Variants in RBM47 observed in about 807,000 individuals in gnomAD.
The protein encoded by RBM47 is RNA binding motif protein 47.
In RBM47, 21 loss-of-function variants were observed where a neutral mutation model predicts 47.1. That is an observed-to-expected ratio of 0.45 (90% CI 0.32 to 0.64). The LOEUF (loss-of-function observed/expected upper bound fraction) is 0.64, where lower values mean the gene tolerates loss of function less well. Among genes scored for constraint, RBM47 ranks in the 30% least tolerant of loss-of-function variants. RBM47 has a pLI of 0.05. For synonymous variants in RBM47, 375 were observed against 361.7 expected, an observed-to-expected ratio of 1.04 and a Z score of -0.42; for missense variants, 708 against 870.9, an observed-to-expected ratio of 0.81 and a Z score of 2.35.
Position 40,423,951 on chromosome 4 carries a change from T to A in RBM47, c.*1953A>T, listed in dbSNP as rs145599320. The A allele has an allele frequency of 7.9e-5, 12 of 152,546 alleles. No homozygotes were observed. In the East Asian group the frequency reaches 2.3e-3, roughly 29 times the overall value. The allele number at this position is 152,546 out of a possible 1,614,324, so 9.4% of individuals were successfully genotyped here. A position where few individuals can be genotyped will look rare whatever the true frequency, so the allele number is the denominator to read the frequency against. On this transcript the variant is annotated 3_prime_UTR_variant, in exon 7 of 7. Coordinates refer to ENST00000295971, the MANE Select transcript of RBM47 (RefSeq NM_001098634.2). ...GTTTGAATGCAGCTTGTGGGGTACA[T>A]CATCAGGAACATTGCACAATTATTT...
intron 1 of RBM47, among the ~76,000 whole-genome samples, chr4:40,559,255 G>A (rs1730386153): frequency 6.6e-6 from 1 of 152,176 alleles, no homozygotes; most frequent in Non-Finnish European, 1.5e-5. Context: ...AATAGAAGGA[G>A]AGAGCCTAAT....
At chr4:40,554,068 G>C (rs955985935) in intron 1 of RBM47, among the ~76,000 whole-genome samples, 5 of 151,572 alleles carry the variant, frequency 3.3e-5, no homozygotes. Flanking sequence ...GCACAGTCCC[G>C]TATTCATCTC....
At chr4:40,446,360 T>C (rs1278865007) in intron 3 of RBM47, among the ~76,000 whole-genome samples, 1 of 152,152 alleles carries the variant, frequency 6.6e-6, no homozygotes, top group Non-Finnish European at 1.5e-5. Flanking sequence ...CATAGGGCTG[T>C]GATGAGGATT....
At chr4:40,522,688 T>C (rs931557385) in intron 2 of RBM47, among the ~76,000 whole-genome samples, 4 of 152,280 alleles carry the variant, frequency 2.6e-5, no homozygotes, top group Non-Finnish European at 4.4e-5. Flanking sequence ...CATACCTCAA[T>C]AGATTGAAGC....
At chr4:40,520,851 G>A (rs1172330018) in intron 2 of RBM47, among the ~76,000 whole-genome samples, 2 of 152,206 alleles carry the variant, frequency 1.3e-5, no homozygotes, top group African/African-American at 4.8e-5. Context: ...ACACTGTCCG[G>A]TGCTGCCTAT....
intron 2 of RBM47, among the ~76,000 whole-genome samples, chr4:40,512,878 C>T (rs568116022): frequency 1.3e-5 from 2 of 152,234 alleles, no homozygotes; most frequent in South Asian, 4.1e-4. Context: ...AATCTAAGTG[C>T]ACCTGTGTAA....
In RBM47 at chr4:40,538,229, C is replaced by T. The variant is rs574155263; in HGVS notation, c.-155+6193G>A. Among the ~76,000 whole-genome samples, 4 of 151,830 alleles carry T rather than the reference C, an allele frequency of 2.6e-5. No homozygotes were observed. In the South Asian group the frequency reaches 6.2e-4, roughly 24 times the overall value. On this transcript the variant is annotated intron_variant, in intron 2 of 6. Coordinates refer to ENST00000295971, the MANE Select transcript of RBM47 (RefSeq NM_001098634.2). ...AGAGGGTAGTGAATATACTCCCTGG[C>T]AAATCTGGATACAGATGAGAAAAGG...
At chr4:40,545,439 G>A (rs569972569) in intron 1 of RBM47, among the ~76,000 whole-genome samples, 44 of 149,050 alleles carry the variant, frequency 3.0e-4, no homozygotes, top group African/African-American at 1.0e-3. Flanking sequence ...CGAGGCAGGT[G>A]GATCACCTGA....
chr4:40,536,336 T>G (rs1430945701), intron 2 of RBM47, among the ~76,000 whole-genome samples: 1 of 152,342 alleles, frequency 6.6e-6, no homozygotes, highest in Middle Eastern at 3.4e-3. Context: ...GTCTAATGAC[T>G]GGCTTGGAGA....
chr4:40,452,840 C>CT (rs34438216), intron 3 of RBM47, among the ~76,000 whole-genome samples: 41,825 of 124,794 alleles, frequency 0.34, 7,906 homozygotes, highest in Non-Finnish European at 0.43. Flanking sequence ...TGATTTCCTT[C>CT]TTTTTTTTTT....
intron 3 of RBM47, among the ~76,000 whole-genome samples, chr4:40,452,379 G>A (rs1183704570): frequency 6.6e-6 from 1 of 152,170 alleles, no homozygotes; most frequent in African/African-American, 2.4e-5. Flanking sequence ...GGAGAGCCAC[G>A]AAGCTTTAGC....
rs184942879 is a variant in RBM47 at position 40,597,236 on chromosome 4, G to A, written c.-240+32160C>T. On this transcript the variant is annotated intron_variant, in intron 1 of 6. Coordinates refer to ENST00000295971, the MANE Select transcript of RBM47 (RefSeq NM_001098634.2). ...GATCGTGCCACTGCACTCCAGCCTGGGTGACAGAGCGAGATTCCATCTCAA... is the reference window on the plus strand; with the variant it reads ...GATCGTGCCACTGCACTCCAGCCTGAGTGACAGAGCGAGATTCCATCTCAA... 1.7e-3 allele frequency among the ~76,000 whole-genome samples: 257 copies of A among 151,858 alleles called. 1 individual carries two copies. The highest frequency in any genetic ancestry group is 5.9e-3 in the African/African-American group (246 of 41,386).
chr4:40,529,505 G>A (rs1727139900), intron 2 of RBM47, among the ~76,000 whole-genome samples: 1 of 97,120 alleles, frequency 1.0e-5, no homozygotes, highest in African/African-American at 4.2e-5. Context: ...GACAGAAGGA[G>A]ACTCTGTCAC....
intron 1 of RBM47, among the ~76,000 whole-genome samples, chr4:40,615,944 A>G (rs2154280199): frequency 6.6e-6 from 1 of 152,328 alleles, no homozygotes; most frequent in African/African-American, 2.4e-5. Flanking sequence ...TTGACATGAT[A>G]TTGGAGAATA....
chr4:40,546,849 C>T (rs1729084373), intron 1 of RBM47, among the ~76,000 whole-genome samples: 1 of 152,194 alleles, frequency 6.6e-6, no homozygotes, highest in Non-Finnish European at 1.5e-5. Flanking sequence ...CTCCTGTCCA[C>T]CTAACCCTTG....
intron 1 of RBM47, among the ~76,000 whole-genome samples, chr4:40,562,491 C>T (rs1374567505): frequency 7.4e-6 from 1 of 134,720 alleles, no homozygotes; most frequent in African/African-American, 2.9e-5. Flanking sequence ...TTGAGACAGT[C>T]TCACTCTTGT....
intron 2 of RBM47, among the ~76,000 whole-genome samples, chr4:40,509,185 A>T (rs1724535587): frequency 6.6e-6 from 1 of 151,242 alleles, no homozygotes; most frequent in South Asian, 2.1e-4. Flanking sequence ...ATAAATAAAT[A>T]AATAATAATA....
intron 1 of RBM47, among the ~76,000 whole-genome samples, chr4:40,565,639 A>C (rs888203235): frequency 2.6e-5 from 4 of 152,166 alleles, no homozygotes; most frequent in African/African-American, 9.7e-5. Context: ...GACCATGGAT[A>C]ACTACTACTT....
intron 1 of RBM47, among the ~76,000 whole-genome samples, chr4:40,580,308 G>A (rs984057228): frequency 2.9e-4 from 44 of 151,524 alleles, no homozygotes; most frequent in Admixed American, 2.4e-3. Context: ...CAAGTTTCTA[G>A]TACCTTCTCT....
Sources: gnomAD v4.1 joint callset for allele counts (sites outside exome capture counted in the v4.1 genomes callset) on GRCh38, gnomAD v4.1.1 for gene constraint, MANE v1.5 for transcripts, NCBI Gene and HGNC (gene_info 2026-07-23, HGNC 2026-07-21) for gene names.